The following CNNM2 variants were observed in gnomAD, a reference collection of about 807,000 sequenced individuals.
The protein encoded by CNNM2 is metal transporter CNNM2.
CNNM2 carries 12 observed loss-of-function variants against 66.9 expected under a neutral mutation model. That is an observed-to-expected ratio of 0.18 (90% confidence interval 0.11 to 0.29). The LOEUF (loss-of-function observed/expected upper bound fraction) is 0.29, where lower values mean the gene tolerates loss of function less well. Ranked by LOEUF, CNNM2 falls within the 10% of genes least tolerant of loss-of-function variation. The pLI is 1.00. For synonymous variants in CNNM2, 557 were observed against 501.8 expected, an observed-to-expected ratio of 1.11 and a Z score of -1.47; for missense variants, 705 against 1,167.7, an observed-to-expected ratio of 0.60 and a Z score of 5.77.
At chr10:103,062,569 A>G (rs2065405840) in intron 4 of CNNM2, among the ~76,000 whole-genome samples, 2 of 152,228 alleles carry the variant, frequency 1.3e-5, no homozygotes. Flanking sequence ...TCTTATATAT[A>G]ACTATAAACC....
intron 1 of CNNM2, among the ~76,000 whole-genome samples, chr10:102,962,702 G>A (rs1372263077): frequency 7.4e-6 from 1 of 135,362 alleles, no homozygotes; most frequent in Non-Finnish European, 1.7e-5. Flanking sequence ...GTGTGTGTGT[G>A]TGTGTGTGTG....
intron 1 of CNNM2, chr10:102,927,505 A>C: frequency 6.4e-7 from 1 of 1,555,072 alleles, no homozygotes; most frequent in South Asian, 1.2e-5. Context: ...CATGCCTGTA[A>C]TCCCGGCACT....
At chr10:102,991,021 C>T (rs562531608) in intron 1 of CNNM2, among the ~76,000 whole-genome samples, 1 of 152,266 alleles carries the variant, frequency 6.6e-6, no homozygotes, top group East Asian at 1.9e-4. Flanking sequence ...CATTCTTGCT[C>T]TGTTGCCCAG....
chr10:102,989,158 C>G (rs142789814), intron 1 of CNNM2, among the ~76,000 whole-genome samples: 71 of 152,226 alleles, frequency 4.7e-4, no homozygotes, highest in African/African-American at 1.6e-3. Context: ...CACTGAGTAA[C>G]GTATGTCTAT....
chr10:102,948,275 G>A lies in CNNM2; in HGVS notation c.1621+28174G>A, dbSNP rs367751206. Among the ~76,000 whole-genome samples the A allele has an allele frequency of 3.3e-5, 5 of 152,296 alleles. No individual in the cohort carries two copies. The East Asian group carries it at 5.8e-4, about 18-fold the overall frequency. On this transcript the variant is annotated intron_variant, in intron 1 of 7. Coordinates refer to ENST00000369878, the MANE Select transcript of CNNM2 (RefSeq NM_017649.5). ...GAATAAACTCATCTGCATGTGCTGT[G>A]GGGGAGAAGTACTTAGTGCCCTGAG...
intron 1 of CNNM2, among the ~76,000 whole-genome samples, chr10:102,922,950 A>G (rs1333954100): frequency 2.0e-5 from 3 of 151,900 alleles, no homozygotes; most frequent in Non-Finnish European, 4.4e-5. Context: ...AAAAAAAAAA[A>G]AAAAAGAAAC....
intron 1 of CNNM2, among the ~76,000 whole-genome samples, chr10:102,994,508 C>G (rs1159883839): frequency 6.6e-6 from 1 of 152,202 alleles, no homozygotes; most frequent in Non-Finnish European, 1.5e-5. Context: ...AACTTACGTT[C>G]TAGAGGGTTT....
intron 1 of CNNM2, among the ~76,000 whole-genome samples, chr10:102,935,604 AAT>A (rs1564811696): frequency 7.1e-6 from 1 of 140,760 alleles, no homozygotes; most frequent in African/African-American, 2.6e-5. Flanking sequence ...TTTAAAAAAA[AAT>A]TTTTTTTTTT....
intron 1 of CNNM2, among the ~76,000 whole-genome samples, chr10:103,031,890 A>G (rs1381094453): frequency 6.6e-6 from 1 of 152,168 alleles, no homozygotes; most frequent in African/African-American, 2.4e-5. Context: ...TTGTTTGCAT[A>G]TGCATAACTG....
At chr10:102,951,649 T>C (rs1451312361) in intron 1 of CNNM2, among the ~76,000 whole-genome samples, 1 of 151,672 alleles carries the variant, frequency 6.6e-6, no homozygotes, top group Non-Finnish European at 1.5e-5. Context: ...TCTTTTTTTT[T>C]TTTTTTACAG....
At chr10:103,020,330 A>G (rs887837343) in intron 1 of CNNM2, among the ~76,000 whole-genome samples, 1 of 151,840 alleles carries the variant, frequency 6.6e-6, no homozygotes, top group Non-Finnish European at 1.5e-5. Flanking sequence ...TAATTTTTGT[A>G]TTTTTAGTAG....
Position 103,088,997 on chromosome 10 carries a change from A to T in CNNM2, c.*11817A>T, listed in dbSNP as rs559510652. 1 of 210,300 alleles carries T rather than the reference A, an allele frequency of 4.8e-6. No individual in the cohort carries two copies. The highest frequency in any genetic ancestry group is 1.9e-4 in the South Asian group (1 of 5,334). The allele number at this position is 210,300 out of a possible 1,614,324, so 13.0% of individuals were successfully genotyped here. On this transcript the variant is annotated 3_prime_UTR_variant, in exon 8 of 8. Coordinates refer to ENST00000369878, the MANE Select transcript of CNNM2 (RefSeq NM_017649.5). ...GATAAGAAGGAGGTTGTTTTTGGAT[A>T]ACAAATAAGCATTTGTGCTATTAAA...
intron 2 of CNNM2, among the ~76,000 whole-genome samples, chr10:103,050,587 T>G (rs1013108200): frequency 6.6e-6 from 1 of 150,734 alleles, no homozygotes; most frequent in African/African-American, 2.4e-5. Flanking sequence ...AGATGACAAC[T>G]GTTTATACTT....
At chr10:102,990,454 C>T (rs1590358295) in intron 1 of CNNM2, among the ~76,000 whole-genome samples, 1 of 152,120 alleles carries the variant, frequency 6.6e-6, no homozygotes, top group African/African-American at 2.4e-5. Context: ...TTTAAGAAAA[C>T]TGAAGAGCAA....
At chr10:102,954,126 C>CTTTTT (rs35543663) in intron 1 of CNNM2, among the ~76,000 whole-genome samples, 24 of 133,054 alleles carry the variant, frequency 1.8e-4, no homozygotes, top group Non-Finnish European at 2.4e-4. Context: ...CTTTTCTTTT[C>CTTTTT]TTTTTTTTTT....
chr10:103,080,799 T>C lies in CNNM2; in HGVS notation c.*3619T>C, dbSNP rs1176634461. 2 of 152,172 alleles carry C rather than the reference T, an allele frequency of 1.3e-5. No individual in the cohort carries two copies. The highest frequency in any genetic ancestry group is 1.9e-4 in the East Asian group (1 of 5,200). The allele number at this position is 152,172 out of a possible 1,614,324, so 9.4% of individuals were successfully genotyped here. ...ATAGAAATACATTTTCCCTAGGAAA[T>C]AGAGCAATAGGAATTTGAGCTAAGC... On this transcript the variant is annotated 3_prime_UTR_variant, in exon 8 of 8. Coordinates refer to ENST00000369878, the MANE Select transcript of CNNM2 (RefSeq NM_017649.5).
At chr10:102,930,107 CAG>C (rs1846015828) in intron 1 of CNNM2, among the ~76,000 whole-genome samples, 1 of 152,016 alleles carries the variant, frequency 6.6e-6, no homozygotes, top group African/African-American at 2.4e-5. Flanking sequence ...TATCTAGAAA[CAG>C]TGAAAAATTG....
intron 1 of CNNM2, among the ~76,000 whole-genome samples, chr10:102,969,309 G>C (rs1281544095): frequency 6.6e-6 from 1 of 152,032 alleles, no homozygotes; most frequent in East Asian, 1.9e-4. Flanking sequence ...CGCCTCTGGG[G>C]TTCAAACGAT....
At chr10:103,000,242 C>CAAATAAATAAAT (rs139250349) in intron 1 of CNNM2, among the ~76,000 whole-genome samples, 10 of 146,198 alleles carry the variant, frequency 6.8e-5, no homozygotes, top group Admixed American at 2.1e-4. Flanking sequence ...GTCTCAAAAA[C>CAAATAAATAAAT]AAATAAATAA....
Sources: allele counts gnomAD v4.1 joint callset (sites outside exome capture counted in the v4.1 genomes callset), GRCh38; gene constraint gnomAD v4.1.1; transcripts MANE v1.5; gene names NCBI Gene and HGNC (gene_info 2026-07-23, HGNC 2026-07-21).